The following GBA2 variants were observed in gnomAD, a reference collection of about 807,000 sequenced individuals.
GBA2 encodes the protein glucosylceramidase beta 2, also known as non-lysosomal glucosylceramidase.
Under a neutral mutation model 112.9 loss-of-function variants are expected in GBA2, and 79 were observed. The observed-to-expected ratio is 0.70, with a 90% CI of 0.58 to 0.84. GBA2 has a LOEUF of 0.84. GBA2 is among the 40% of genes least tolerant of loss of function. The pLI, the probability that GBA2 is intolerant of heterozygous loss-of-function variation, is 0.00. For missense variants in GBA2, 1,043 were observed against 1,190.0 expected (o/e 0.88, Z 1.82); for synonymous variants, 403 against 434.3 (o/e 0.93, Z 0.90).
chr9:35,738,680 A>G, intron 12 of GBA2, 48 bp from the exon 13 acceptor site: 2 of 1,602,706 alleles, frequency 1.2e-6, no homozygotes, highest in Non-Finnish European at 1.7e-6. Context: ...AGGAAAGGCA[A>G]CAACCAGCTA....
At position 35,739,408 on chromosome 9, in the gene GBA2, G is replaced by A. The variant is rs776818180; in HGVS notation, c.1594C>T (p.Arg532Cys). ...RFGYLEGQEY[R>C]MYNTYDVHFY... ...TGGACATCATATGTGTTGTACATGC[G>A]GTACTCCTGGCCTGGAGGAATGAAT... Residue 532 changes from arginine to cysteine, a missense_variant, in exon 10 of 17, where the codon CGC becomes TGC. Coordinates refer to ENST00000378103, the MANE Select transcript of GBA2 (RefSeq NM_020944.3). 7.5e-6 allele frequency: 12 copies of A among 1,608,848 alleles called. No individual in the cohort carries two copies. Among genetic ancestry groups the A allele is most frequent in the East Asian group, 2.2e-5 (1 of 44,886 alleles).
chr9:35,740,290 C>A lies in GBA2; in HGVS notation c.1202G>T (p.Arg401Leu), dbSNP rs112979503. The A allele has an allele frequency of 1.2e-6, 2 of 1,614,096 alleles. No individual in the cohort carries two copies. Among genetic ancestry groups the A allele is most frequent in the Non-Finnish European group, 1.7e-6 (2 of 1,180,002 alleles). The change falls in exon 7 of 17, where the codon CGA becomes CTA. Residue 401 changes from arginine to leucine, a missense_variant. Physicochemically the swap from Arg to Leu is moderately radical, Grantham distance 102 (BLOSUM62 -2). Transcript: ENST00000378103. The surrounding 1 kb of genome is among the most constrained non-coding windows in gnomAD (Gnocchi z 4.7). Reference sequence around the variant, plus strand: ...TGAAAACTCCAGGCGGCACTGGCCTCGAGGTCGCAACTTGCTGGAAACACA... The same window carrying A: ...TGAAAACTCCAGGCGGCACTGGCCTAGAGGTCGCAACTTGCTGGAAACACA... ...AVCVSSKLRPRGQCRLEFSLA... is the reference protein window; with the variant it reads ...AVCVSSKLRPLGQCRLEFSLA...
intron 3 of GBA2, among the ~76,000 whole-genome samples, chr9:35,742,870 G>A (rs1826773162): frequency 6.6e-6 from 1 of 152,186 alleles, no homozygotes; most frequent in South Asian, 2.1e-4. Context: ...ATTGTATACA[G>A]TGGGCTCTCC....
At position 35,739,726 on chromosome 9, in the gene GBA2, A is replaced by G. The variant is rs1826522403; in HGVS notation, c.1484T>C (p.Leu495Pro). ...YFLADGGTVW[L>P]EVLEDSLPEE... ...TGGTAGGGAGTCCTCAAGAACTTCC[A>G]GCCACACTGTGCCTCCATCAGCCAG... is the stretch of plus-strand genomic sequence containing the variant. Residue 495 changes from leucine to proline, a missense_variant, in exon 9 of 17, where the codon CTG becomes CCG. Coordinates refer to ENST00000378103, the MANE Select transcript of GBA2 (RefSeq NM_020944.3). 6.2e-7 allele frequency: 1 copy of G among 1,613,810 alleles called. No homozygotes were observed. Among genetic ancestry groups the G allele is most frequent in the African/African-American group, 1.3e-5 (1 of 74,936 alleles).
At position 35,741,002 on chromosome 9, in the gene GBA2, T is replaced by A. The variant is rs1588015617; in HGVS notation, c.849A>T (p.Leu283=). The A allele has an allele frequency of 6.2e-7, 1 of 1,614,046 alleles. No homozygotes were observed. The highest frequency in any genetic ancestry group is 2.2e-5 in the East Asian group (1 of 44,882). Reference sequence around the variant, plus strand: ...GCATGGAGAACATGATGGACACATCTAGAGCTTCGTCCCCTTCATTTTCCA... The same window carrying A: ...GCATGGAGAACATGATGGACACATCAAGAGCTTCGTCCCCTTCATTTTCCA... ...WDVENEGDEA[L]DVSIMFSMRN... is the part of the protein sequence containing the mutation. Residue 283 remains leucine (L), a synonymous_variant, in exon 5 of 17, where the codon CTA becomes CTT. Transcript: ENST00000378103. The surrounding 1 kb of genome is among the most constrained non-coding windows in gnomAD (Gnocchi z 4.6).
intron 1 of GBA2, among the ~76,000 whole-genome samples, chr9:35,747,243 A>G (rs1304606628): frequency 6.6e-6 from 1 of 152,176 alleles, no homozygotes; most frequent in Non-Finnish European, 1.5e-5. Flanking sequence ...AGAGGCTAGG[A>G]TGCCCATCTT....
chr9:35,743,737 GA>G (rs1241024371), intron 3 of GBA2, among the ~76,000 whole-genome samples: 1 of 152,100 alleles, frequency 6.6e-6, no homozygotes, highest in Non-Finnish European at 1.5e-5. Context: ...GGAGCAAAAG[GA>G]AAAAAGTGAA....
chr9:35,745,128 A>T (rs567106864), intron 1 of GBA2, among the ~76,000 whole-genome samples: 26 of 149,448 alleles, frequency 1.7e-4, no homozygotes, highest in South Asian at 1.5e-3. Context: ...ATTATTTATT[A>T]TTTTTTTTTT....
intron 1 of GBA2, among the ~76,000 whole-genome samples, chr9:35,747,143 C>G (rs537969591): frequency 1.3e-5 from 2 of 152,208 alleles, no homozygotes; most frequent in South Asian, 4.1e-4. Flanking sequence ...TGTATCAGTA[C>G]CCCCCACTCT....
At chr9:35,747,956 C>T (rs1365111616) in intron 1 of GBA2, among the ~76,000 whole-genome samples, 1 of 152,074 alleles carries the variant, frequency 6.6e-6, no homozygotes, top group Non-Finnish European at 1.5e-5. Context: ...GGGTTGAGAC[C>T]CCCCCACCCC....
intron 1 of GBA2, 40 bp from the exon 2 acceptor site, chr9:35,744,746 G>A: frequency 1.8e-6 from 2 of 1,120,088 alleles, no homozygotes; most frequent in African/African-American, 1.5e-5. Flanking sequence ...GGGGGCAGGT[G>A]GGCAGCTGTT....
chr9:35,743,071 T>C (rs1450125097), intron 3 of GBA2, among the ~76,000 whole-genome samples: 1 of 152,240 alleles, frequency 6.6e-6, no homozygotes, highest in African/African-American at 2.4e-5. Flanking sequence ...GTGCAATGGT[T>C]ATTTGCAAAT....
chr9:35,743,053 A>G lies in GBA2; in HGVS notation c.568-1163T>C, dbSNP rs186374498. ...AATCTACAGATGATTTAAAGTATAT[A>G]GGAGGATGTGCAATGGTTATTTGCA... On this transcript the variant is annotated intron_variant, in intron 3 of 16. Coordinates refer to ENST00000378103, the MANE Select transcript of GBA2 (RefSeq NM_020944.3). Among the ~76,000 whole-genome samples the G allele has an allele frequency of 8.1e-4, 124 of 152,388 alleles. 1 individual carries two copies. Among genetic ancestry groups the G allele is most frequent in the African/African-American group, 2.7e-3 (112 of 41,590 alleles).
chr9:35,743,066 A>G (rs886934575), intron 3 of GBA2, among the ~76,000 whole-genome samples: 2 of 152,384 alleles, frequency 1.3e-5, no homozygotes, highest in Middle Eastern at 3.4e-3. Context: ...AGGATGTGCA[A>G]TGGTTATTTG....
At chr9:35,747,953 G>C (rs960322715) in intron 1 of GBA2, among the ~76,000 whole-genome samples, 1 of 152,120 alleles carries the variant, frequency 6.6e-6, no homozygotes, top group African/African-American at 2.4e-5. Context: ...AAGGGGTTGA[G>C]ACCCCCCCAC....
Position 35,739,122 on chromosome 9 carries a change from C to G in GBA2, c.1688-13G>C, listed in dbSNP as rs779358452. On this transcript the variant is annotated splice_polypyrimidine_tract_variant and intron_variant, in intron 10 of 16. Coordinates refer to ENST00000378103, the MANE Select transcript of GBA2 (RefSeq NM_020944.3). ...AGAGTGGCCAGAGCTGGGGGAGAGA[C>G]ACAGAAGGGAGGCAGGGAATGGGCA... 775 of 1,548,176 alleles carry G rather than the reference C, an allele frequency of 5.0e-4. 1 individual carries two copies. Among genetic ancestry groups the G allele is most frequent in the Middle Eastern group, 8.5e-4 (5 of 5,854 alleles).
At chr9:35,747,703 G>T (rs112218363) in intron 1 of GBA2, among the ~76,000 whole-genome samples, 13 of 152,228 alleles carry the variant, frequency 8.5e-5, no homozygotes, top group Admixed American at 2.0e-4. Flanking sequence ...TTTGAACTCA[G>T]TGGGGATCTA....
At chr9:35,742,917 C>G (rs932613144) in intron 3 of GBA2, among the ~76,000 whole-genome samples, 1 of 152,140 alleles carries the variant, frequency 6.6e-6, no homozygotes, top group African/African-American at 2.4e-5. Flanking sequence ...TTCAACCAAC[C>G]AAATCTAAAA....
In GBA2 at chr9:35,748,852, G is replaced by A. The variant is rs1827145744; in HGVS notation, c.-148C>T. 5.1e-6 allele frequency: 3 copies of A among 593,432 alleles called. No homozygotes were observed. In the East Asian group the frequency reaches 8.2e-5, roughly 16 times the overall value. The allele number at this position is 593,432 out of a possible 1,614,324, so 36.8% of individuals were successfully genotyped here. A position where few individuals can be genotyped will look rare whatever the true frequency, so the allele number is the denominator to read the frequency against. On this transcript the variant is annotated 5_prime_UTR_variant, in exon 1 of 17. Transcript: ENST00000378103. Reference sequence around the variant, plus strand: ...ATGAGCTGGTGTTTCAGTGGAGCCGGGGAGCTCTTGCTTCAGTGGGGGCGG... The same window carrying A: ...ATGAGCTGGTGTTTCAGTGGAGCCGAGGAGCTCTTGCTTCAGTGGGGGCGG...
Sources: allele counts gnomAD v4.1 joint callset (sites outside exome capture counted in the v4.1 genomes callset), GRCh38; gene constraint gnomAD v4.1.1; non-coding constraint Gnocchi (gnomAD v3.1); transcripts MANE v1.5; gene names NCBI Gene and HGNC (gene_info 2026-07-23, HGNC 2026-07-21).